CAMK2G: variants seen among roughly 807,000 people sequenced by gnomAD.
CAMK2G encodes calcium/calmodulin dependent protein kinase II gamma.
CAMK2G carries 23 observed loss-of-function variants against 88.7 expected under a neutral mutation model. The ratio of observed to expected loss-of-function variants is 0.26; its 90% CI spans 0.19 to 0.37. CAMK2G has a LOEUF of 0.37. Ranked by LOEUF, CAMK2G falls within the 10% of genes least tolerant of loss-of-function variation. The probability of loss-of-function intolerance (pLI) is 1.00; values close to 1 mark genes in which losing one functional copy is unlikely to be tolerated. For missense variants in CAMK2G, 476 were observed against 780.8 expected, an observed-to-expected ratio of 0.61 and a Z score of 4.65; for synonymous variants, 263 against 294.8, an observed-to-expected ratio of 0.89 and a Z score of 1.11.
At chr10:73,829,497 G>A (rs1479298634) in intron 14 of CAMK2G, among the ~76,000 whole-genome samples, 2 of 151,474 alleles carry the variant, frequency 1.3e-5, no homozygotes, top group Non-Finnish European at 2.9e-5. Context: ...GACTGGTTTC[G>A]CCATGTTGGC....
intron 21 of CAMK2G, 111 bp downstream of exon 21, chr10:73,816,912 G>T: frequency 3.7e-6 from 6 of 1,610,626 alleles, no homozygotes; most frequent in Non-Finnish European, 5.1e-6. Context: ...AGTGCAGCAC[G>T]AAGGTCAAAT....
chr10:73,835,941 T>C (rs185581691), intron 14 of CAMK2G, among the ~76,000 whole-genome samples: 146 of 152,192 alleles, frequency 9.6e-4, no homozygotes, highest in Middle Eastern at 3.4e-3. Flanking sequence ...TTCAAGCCAT[T>C]CTCCTGCCTC....
intron 14 of CAMK2G, 72 bp downstream of exon 14, chr10:73,837,396 C>T (rs2060579457): frequency 8.6e-7 from 1 of 1,169,564 alleles, no homozygotes; most frequent in African/African-American, 1.5e-5. Context: ...AAGGGGGAAC[C>T]AGGTGCCAAG....
intron 15 of CAMK2G, among the ~76,000 whole-genome samples, chr10:73,826,873 C>A (rs914365885): frequency 6.6e-6 from 1 of 152,204 alleles, no homozygotes; most frequent in Admixed American, 6.5e-5. Flanking sequence ...CAGGGCTAGG[C>A]ATGGAACCTC....
chr10:73,833,117 C>CTGT (rs2092714983), intron 14 of CAMK2G, among the ~76,000 whole-genome samples: 1 of 151,380 alleles, frequency 6.6e-6, no homozygotes, highest in Non-Finnish European at 1.5e-5. Flanking sequence ...CGTTCCACCA[C>CTGT]ACTCAGCTAA....
At chr10:73,870,987 C>T (rs1471456077) in intron 2 of CAMK2G, among the ~76,000 whole-genome samples, 1 of 152,132 alleles carries the variant, frequency 6.6e-6, no homozygotes, top group Non-Finnish European at 1.5e-5. Flanking sequence ...TACTGGCTGG[C>T]ACTTACACAT....
Position 73,838,835 on chromosome 10 carries a change from C to A in CAMK2G, c.1009+704G>T, listed in dbSNP as rs533711579. Among the ~76,000 whole-genome samples the A allele has an allele frequency of 4.6e-5, 7 of 152,308 alleles. No homozygotes were observed. In the South Asian group the frequency reaches 1.4e-3, roughly 32 times the overall value. On this transcript the variant is annotated intron_variant, in intron 13 of 22. Transcript: ENST00000423381. ...AAAAAAAGCGTACTACCTATCTTATCCCTAAGGGTCTGATTTTATTGTCTG... is the reference window on the plus strand; with the variant it reads ...AAAAAAAGCGTACTACCTATCTTATACCTAAGGGTCTGATTTTATTGTCTG...
chr10:73,858,720 G>A (rs1362355374), intron 3 of CAMK2G, among the ~76,000 whole-genome samples: 3 of 152,238 alleles, frequency 2.0e-5, no homozygotes, highest in African/African-American at 4.8e-5. Context: ...ATTCTGAGCC[G>A]AGGGCAGATG....
In CAMK2G at chr10:73,849,166, G is replaced by A. The variant is rs368582923; in HGVS notation, c.415-51C>T. 8 of 1,576,888 alleles carry A rather than the reference G, an allele frequency of 5.1e-6. No individual in the cohort carries two copies. The African/African-American group carries it at 5.4e-5, about 11-fold the overall frequency. ...GTGAGCACCCACCCTGCAGCCCAGA[G>A]GAAGCCTAGTTTGGGCCTACGCAGT... On this transcript the variant is annotated intron_variant, in intron 6 of 22. Transcript: ENST00000423381.
rs1185569538 is a variant in CAMK2G at position 73,819,578 on chromosome 10, G to T, written c.1317C>A (p.Ala439=). The part of the protein sequence containing the change: ...PEGRSSRDRT[A]PSAGMQPQPS... ...GCTGGGGCTGCATGCCTGCAGAGGG[G>T]GCTGTTCTGTCCCGGGAGCTCCGTC... The change falls in exon 19 of 23, where the codon GCC becomes GCA. Residue 439 remains alanine, a synonymous_variant. Coordinates refer to ENST00000423381, the MANE Select transcript of CAMK2G (RefSeq NM_001367534.1). The T allele has an allele frequency of 1.3e-6, 2 of 1,549,200 alleles. No individual in the cohort carries two copies. Among genetic ancestry groups the T allele is most frequent in the East Asian group, 4.9e-5 (2 of 40,928 alleles).
chr10:73,869,831 A>G (rs1159973458), intron 2 of CAMK2G, among the ~76,000 whole-genome samples: 2 of 152,254 alleles, frequency 1.3e-5, no homozygotes, highest in Non-Finnish European at 2.9e-5. Context: ...AGCATCTCTT[A>G]GTAAGGCCAA....
chr10:73,840,691 C>T (rs1029596892), intron 12 of CAMK2G, among the ~76,000 whole-genome samples: 5 of 152,168 alleles, frequency 3.3e-5, no homozygotes, highest in Non-Finnish European at 5.9e-5. Flanking sequence ...TGTGGAGGCC[C>T]GGGGCTGCAA....
chr10:73,873,209 A>C, intron 1 of CAMK2G, 126 bp from the exon 2 acceptor site: 1 of 951,028 alleles, frequency 1.1e-6, no homozygotes, highest in Non-Finnish European at 1.7e-6. Context: ...ACATGCACAC[A>C]CACCGGCGCT....
intron 14 of CAMK2G, 40 bp from the exon 15 acceptor site, chr10:73,828,161 A>G (rs779710773): frequency 6.4e-7 from 1 of 1,574,014 alleles, no homozygotes; most frequent in Non-Finnish European, 8.7e-7. Context: ...AAGGGGAAAG[A>G]GGAGGTAAGA....
intron 21 of CAMK2G, 128 bp downstream of exon 21, chr10:73,816,895 G>A: frequency 6.2e-7 from 1 of 1,609,548 alleles, no homozygotes; most frequent in Non-Finnish European, 8.5e-7. Context: ...CAAGCATACA[G>A]AGTAGGAGTG....
chr10:73,842,609 C>T lies in CAMK2G; in HGVS notation c.820-68G>A, dbSNP rs1487442763. On this transcript the variant is annotated intron_variant, in intron 10 of 22. Coordinates refer to ENST00000423381, the MANE Select transcript of CAMK2G (RefSeq NM_001367534.1). The surrounding 1 kb of genome is among the most constrained non-coding windows in gnomAD (Gnocchi z 4.6). ...TCTGCGCCTCCCACAGTCCTGGCAC[C>T]GATACCATGCCCAGGACAGGGTCAT... is the stretch of plus-strand genomic sequence containing the variant. 10 of 1,118,322 alleles carry T rather than the reference C, an allele frequency of 8.9e-6. No individual in the cohort carries two copies. The highest frequency in any genetic ancestry group is 4.6e-5 in the African/African-American group (3 of 65,474). 69.3% of individuals were successfully genotyped at this position (1,118,322 alleles called of 1,614,324 possible).
At chr10:73,873,298 C>T in intron 1 of CAMK2G, 1 of 1,303,612 alleles carries the variant, frequency 7.7e-7, no homozygotes, top group Non-Finnish European at 1.0e-6. Flanking sequence ...GCGTGCCGCG[C>T]TCCCACCCCC....
At chr10:73,814,945 C>T in intron 22 of CAMK2G, 58 bp downstream of exon 22, 3 of 1,233,046 alleles carry the variant, frequency 2.4e-6, no homozygotes, top group Non-Finnish European at 3.5e-6. Context: ...TCTCTTCTTC[C>T]TCTGACCCCA....
At position 73,812,682 on chromosome 10, in the gene CAMK2G, A is replaced by G. The variant is rs1192526699; in HGVS notation, c.*1836T>C. ...TTAAAAGGTGATTTTTTAATAGTCT[A>G]TTGTCTATAGATGCTGACATTAGCC... On this transcript the variant is annotated 3_prime_UTR_variant, in exon 23 of 23. Transcript: ENST00000423381. 1 of 152,674 alleles carries G rather than the reference A, an allele frequency of 6.5e-6. No homozygotes were observed. The highest frequency in any genetic ancestry group is 1.9e-4 in the East Asian group (1 of 5,200). 9.5% of individuals were successfully genotyped at this position (152,674 alleles called of 1,614,324 possible). A position where few individuals can be genotyped will look rare whatever the true frequency, so the allele number is the denominator to read the frequency against.
Sources: gnomAD v4.1 joint callset for allele counts (sites outside exome capture counted in the v4.1 genomes callset) on GRCh38, gnomAD v4.1.1 for gene constraint, Gnocchi (gnomAD v3.1) non-coding constraint, MANE v1.5 for transcripts, NCBI Gene and HGNC (gene_info 2026-07-23, HGNC 2026-07-21) for gene names.